SCN7A: variants seen among roughly 807,000 people sequenced by gnomAD.
The protein encoded by SCN7A is sodium voltage-gated channel alpha subunit 7.
Under a neutral mutation model 155.2 loss-of-function variants are expected in SCN7A, and 138 were observed. The observed-to-expected ratio is 0.89, with a 90% CI of 0.77 to 1.02. The LOEUF (loss-of-function observed/expected upper bound fraction) is 1.02. Among genes scored for constraint, SCN7A ranks in the 50% least tolerant of loss-of-function variants. The pLI is 0.00. For missense variants in SCN7A, 2,058 were observed against 1,986.6 expected (o/e 1.04, Z -0.68); for synonymous variants, 693 against 649.0 (o/e 1.07, Z -1.03).
intron 1 of SCN7A, among the ~76,000 whole-genome samples, chr2:166,488,903 G>A (rs575579953): frequency 2.0e-5 from 3 of 152,228 alleles, no homozygotes; most frequent in Non-Finnish European, 4.4e-5. Context: ...CTCCCAAAGT[G>A]CTGAGACTAC....
rs181248377 is a variant in SCN7A, at chr2:166,447,735, C to T, written c.1291-27G>A. ...TGAAAAGGAATTTGATGGTTTAATA[C>T]TGGCTTCCTGTCTTTGCAGGTCCAA... On this transcript the variant is annotated intron_variant, in intron 11 of 25. Transcript: ENST00000643258. 1,454 of 1,520,508 alleles carry T rather than the reference C, an allele frequency of 9.6e-4. 15 individuals are homozygous for T. The African/African-American group carries it at 0.018, about 18-fold the overall frequency. The allele number at this position is 1,520,508 out of a possible 1,614,324, so 94.2% of individuals were successfully genotyped here.
At chr2:166,431,233 ATT>A (rs1423577777) in intron 16 of SCN7A, among the ~76,000 whole-genome samples, 82 of 152,196 alleles carry the variant, frequency 5.4e-4, no homozygotes, top group African/African-American at 1.9e-3. Flanking sequence ...TAGCAATGGT[ATT>A]AATTTAAAAG....
At chr2:166,463,637 T>C (rs762322088) in intron 9 of SCN7A, among the ~76,000 whole-genome samples, 27 of 152,166 alleles carry the variant, frequency 1.8e-4, no homozygotes, top group Non-Finnish European at 3.1e-4. Flanking sequence ...GGGTCATATT[T>C]GAGCTTGGAA....
intron 17 of SCN7A, 150 bp from the exon 18 acceptor site, chr2:166,428,092 T>C (rs1701661881): frequency 3.5e-6 from 3 of 852,548 alleles, no homozygotes; most frequent in South Asian, 3.7e-5. Flanking sequence ...TTTTTACCCA[T>C]GGTGTAGTGA....
At chr2:166,471,375 A>G (rs76189013) in intron 6 of SCN7A, among the ~76,000 whole-genome samples, 4,336 of 151,984 alleles carry the variant, frequency 0.029, 169 homozygotes, top group East Asian at 0.16. Flanking sequence ...TGTGAAGTAC[A>G]TAGAAGAGCA....
At chr2:166,414,868 ATATTATATAGGATAATATATAATATATAT>A (rs1559089467) in intron 21 of SCN7A, 2 of 116,292 alleles carry the variant, frequency 1.7e-5, no homozygotes, top group East Asian at 2.3e-4. Flanking sequence ...TATATAATAT[ATATTATATAGGATAATATATAATATATAT>A]TATTATATAG....
chr2:166,472,653 C>T (rs1419765577), intron 5 of SCN7A, among the ~76,000 whole-genome samples: 1 of 151,856 alleles, frequency 6.6e-6, no homozygotes, highest in Non-Finnish European at 1.5e-5. Context: ...TAGCTCAATG[C>T]TTTAAACAGA....
In SCN7A at chr2:166,457,030, A is replaced by G. The variant is rs760713969; in HGVS notation, c.1130T>C (p.Val377Ala). 6.2e-7 allele frequency: 1 copy of G among 1,610,756 alleles called. No homozygotes were observed. Among genetic ancestry groups the G allele is most frequent in the South Asian group, 1.1e-5 (1 of 90,488 alleles). ...CATATAAAAGGAAAACAAAAAACTT[A>G]CCACCACAAAAAATATCATGTAGAC... The part of the protein sequence containing the change: ...GKVYMIFFVV[V>A]SFLFSFYMAS... The change falls in exon 11 of 26, where the codon GTA (valine) becomes GCA (alanine). Residue 377 changes from valine (V) to alanine (A), a missense_variant. Physicochemically the swap from Val to Ala is moderately conservative, Grantham distance 64. Coordinates refer to ENST00000643258, the MANE Select transcript of SCN7A (RefSeq NM_002976.4).
In SCN7A at chr2:166,456,870, C is replaced by T. The variant is rs1392141172; in HGVS notation, c.1290G>A (p.Glu430=). The change falls in exon 11 of 26, where the codon GAG becomes GAA. Residue 430 remains glutamate, a splice_region_variant and synonymous_variant. Coordinates refer to ENST00000643258, the MANE Select transcript of SCN7A (RefSeq NM_002976.4). The part of the protein sequence containing the change: ...KELQEGNETD[E]AKTIQIEMKK... ...TAGATAGATAGATAGATATAGATAC[C>T]TCATCTGTTTCATTTCCTTCTTGAA... The T allele has an allele frequency of 6.7e-7, 1 of 1,483,254 alleles. No individual in the cohort carries two copies. The highest frequency in any genetic ancestry group is 1.2e-5 in the South Asian group (1 of 82,368). The allele number at this position is 1,483,254 out of a possible 1,614,324, so 91.9% of individuals were successfully genotyped here. A position where few individuals can be genotyped will look rare whatever the true frequency, so the allele number is the denominator to read the frequency against.
At chr2:166,454,954 G>A (rs2105460749) in intron 11 of SCN7A, among the ~76,000 whole-genome samples, 1 of 152,102 alleles carries the variant, frequency 6.6e-6, no homozygotes, top group Admixed American at 6.5e-5. Context: ...AAATATTAAA[G>A]CACAACACTA....
Position 166,427,881 on chromosome 2 carries a change from C to A in SCN7A, c.2760G>T (p.Trp920Cys). 7.4e-6 allele frequency: 12 copies of A among 1,612,806 alleles called. No individual in the cohort carries two copies. Among genetic ancestry groups the A allele is most frequent in the Non-Finnish European group, 1.0e-5 (12 of 1,179,302 alleles). The change falls in exon 18 of 26, where the codon TGG becomes TGT. Residue 920 changes from tryptophan to cysteine, a missense_variant. Transcript: ENST00000643258. Reference protein sequence around the residue: ...ISGASKKGKIWQNIRKTCCKI... With the variant: ...ISGASKKGKICQNIRKTCCKI... ...TGCAGCAGGTTTTCCTGATGTTCTG[C>A]CAGATTTTTCCTTTCTTGGATGCTC...
chr2:166,487,948 C>T (rs201898922), intron 1 of SCN7A, among the ~76,000 whole-genome samples: 84 of 152,134 alleles, frequency 5.5e-4, no homozygotes, highest in African/African-American at 1.7e-3. Flanking sequence ...ACATGGACAA[C>T]GTAACATGTC....
At chr2:166,481,722 G>T (rs1013984940) in intron 2 of SCN7A, among the ~76,000 whole-genome samples, 1 of 152,098 alleles carries the variant, frequency 6.6e-6, no homozygotes, top group Admixed American at 6.6e-5. Context: ...CCAGAAGGTT[G>T]ATTAAGTAAA....
At chr2:166,431,185 T>C (rs1002372399) in intron 16 of SCN7A, among the ~76,000 whole-genome samples, 1 of 152,074 alleles carries the variant, frequency 6.6e-6, no homozygotes, top group African/African-American at 2.4e-5. Context: ...TTAACGAAGA[T>C]TGAGAAGTGT....
chr2:166,451,761 C>G (rs1702181538), intron 11 of SCN7A, among the ~76,000 whole-genome samples: 1 of 152,044 alleles, frequency 6.6e-6, no homozygotes, highest in East Asian at 1.9e-4. Context: ...TACAAAAGGC[C>G]CTCAAAGGAC....
intron 12 of SCN7A, among the ~76,000 whole-genome samples, chr2:166,447,274 T>C (rs2105445491): frequency 6.6e-6 from 1 of 152,320 alleles, no homozygotes; most frequent in African/African-American, 2.4e-5. Context: ...GATAAATAAT[T>C]ATTGGTTACA....
At position 166,470,753 on chromosome 2, in the gene SCN7A, C is replaced by T. The variant is rs78356788; in HGVS notation, c.573-47G>A. On this transcript the variant is annotated intron_variant, in intron 6 of 25. Transcript: ENST00000643258. ...ACTTAAAAGTCATATTACATCTGTG[C>T]TACTTATTCTTGGCTTTTTATGGTT... 3,618 of 1,482,874 alleles carry T rather than the reference C, an allele frequency of 2.4e-3. 91 individuals are homozygous for T. The African/African-American group carries it at 0.047, about 19-fold the overall frequency. 91.9% of individuals were successfully genotyped at this position (1,482,874 alleles called of 1,614,324 possible).
intron 9 of SCN7A, 128 bp from the exon 10 acceptor site, chr2:166,462,658 C>A: frequency 1.3e-6 from 1 of 745,066 alleles, no homozygotes. Flanking sequence ...GTAATGTCTG[C>A]TCCCAAACAA....
intron 23 of SCN7A, among the ~76,000 whole-genome samples, chr2:166,411,152 T>C (rs890424256): frequency 6.6e-6 from 1 of 152,076 alleles, no homozygotes; most frequent in East Asian, 1.9e-4. Flanking sequence ...ATCTGAAGTC[T>C]CACTTTCCAC....
Sources: gnomAD v4.1 joint callset for allele counts (sites outside exome capture counted in the v4.1 genomes callset) on GRCh38, gnomAD v4.1.1 for gene constraint, MANE v1.5 for transcripts, NCBI Gene and HGNC (gene_info 2026-07-23, HGNC 2026-07-21) for gene names.